TENM3: variants seen among roughly 807,000 people sequenced by gnomAD.
TENM3 encodes the protein teneurin-3.
A neutral mutation model predicts 255.1 loss-of-function variants in TENM3; 63 were observed. The ratio of observed to expected loss-of-function variants is 0.25; its 90% CI spans 0.20 to 0.30. TENM3 has a LOEUF of 0.30. TENM3 is among the 10% of genes least tolerant of loss of function. The probability of loss-of-function intolerance (pLI) is 1.00; values close to 1 mark genes in which losing one functional copy is unlikely to be tolerated. For synonymous variants in TENM3, 1,306 were observed against 1,322.3 expected (o/e 0.99, Z 0.27); for missense variants, 2,929 against 3,461.1 (o/e 0.85, Z 3.86).
chr4:182,172,474 G>T (rs750412930), intron 1 of TENM3, among the ~76,000 whole-genome samples: 9 of 152,170 alleles, frequency 5.9e-5, no homozygotes, highest in Non-Finnish European at 8.8e-5. Flanking sequence ...CTCAACCTTA[G>T]AAATTTGACT....
the TENM3 span, among the ~76,000 whole-genome samples, chr4:181,695,989 A>G: frequency 3.3e-5 from 5 of 151,832 alleles, no homozygotes; most frequent in African/African-American, 9.7e-5. Context: ...TAACTTTACC[A>G]TTTTGGAAAT....
the TENM3 span, among the ~76,000 whole-genome samples, chr4:181,880,810 C>G: frequency 6.6e-6 from 1 of 152,172 alleles, no homozygotes; most frequent in African/African-American, 2.4e-5. Flanking sequence ...AATGACAAGC[C>G]CTTCTCCTTG....
chr4:182,473,716 G>C (rs1413456523), intron 3 of TENM3, among the ~76,000 whole-genome samples: 1 of 151,966 alleles, frequency 6.6e-6, no homozygotes, highest in Non-Finnish European at 1.5e-5. Context: ...CAGGCACTGT[G>C]GCTCCGCAAT....
At chr4:181,551,876 GTGTGTGTGTGTGTATA>G in the TENM3 span, among the ~76,000 whole-genome samples, 75 of 57,438 alleles carry the variant, frequency 1.3e-3, no homozygotes, top group African/African-American at 4.9e-3. Flanking sequence ...GTGTGTGTGT[GTGTGTGTGTGTGTATA>G]TAAATTTTGC....
intron 1 of TENM3, among the ~76,000 whole-genome samples, chr4:182,320,316 G>A (rs1411380531): frequency 6.6e-6 from 1 of 152,180 alleles, no homozygotes; most frequent in Non-Finnish European, 1.5e-5. Flanking sequence ...CAGTTCTGGA[G>A]GTAAAAAGTG....
the TENM3 span, among the ~76,000 whole-genome samples, chr4:181,550,717 T>A: frequency 6.6e-6 from 1 of 152,234 alleles, no homozygotes. Context: ...TGTCATTAAA[T>A]ACATTCCTCA....
rs114431061 is a variant in TENM3, at chr4:182,653,641, A to G, written c.989-130A>G. Reference sequence around the variant, plus strand: ...CTTTGTTTTATAATTTTCATTGCGCAGTTATCCTTGGTATTTCAGAAAATG... The same window carrying G: ...CTTTGTTTTATAATTTTCATTGCGCGGTTATCCTTGGTATTTCAGAAAATG... On this transcript the variant is annotated intron_variant, in intron 5 of 27. Transcript: ENST00000511685. The G allele has an allele frequency of 0.034, 33,327 of 990,890 alleles. 733 individuals are homozygous for G. Among genetic ancestry groups the G allele is most frequent in the Non-Finnish European group, 0.036 (25,049 of 696,286 alleles). 61.4% of individuals were successfully genotyped at this position (990,890 alleles called of 1,614,324 possible).
chr4:182,729,773 T>C (rs144682861), intron 14 of TENM3, among the ~76,000 whole-genome samples: 40 of 152,344 alleles, frequency 2.6e-4, no homozygotes, highest in African/African-American at 8.7e-4. Flanking sequence ...TCAAAGTTGC[T>C]GTACAAATGT....
the TENM3 span, among the ~76,000 whole-genome samples, chr4:181,817,686 C>G: frequency 5.9e-5 from 9 of 152,226 alleles, no homozygotes; most frequent in South Asian, 1.5e-3. Flanking sequence ...ATGGAGGGAG[C>G]TCATCCTTTT....
chr4:182,437,811 A>AG (rs397955974), intron 3 of TENM3, among the ~76,000 whole-genome samples: 1 of 130,706 alleles, frequency 7.7e-6, no homozygotes, highest in African/African-American at 2.5e-5. Context: ...AAAAAAAAAA[A>AG]TATCTGGGCG....
the TENM3 span, among the ~76,000 whole-genome samples, chr4:181,506,613 C>A: frequency 2.6e-5 from 4 of 151,658 alleles, no homozygotes; most frequent in African/African-American, 4.8e-5. Flanking sequence ...AATGGACATT[C>A]CCTCCTGGAT....
At chr4:182,181,279 GT>G (rs1263605620) in intron 1 of TENM3, among the ~76,000 whole-genome samples, 1 of 152,194 alleles carries the variant, frequency 6.6e-6, no homozygotes, top group Non-Finnish European at 1.5e-5. Flanking sequence ...CCAAAGCTCT[GT>G]TATGGCTTAC....
intron 3 of TENM3, among the ~76,000 whole-genome samples, chr4:182,593,429 T>C (rs1289427377): frequency 1.3e-5 from 2 of 152,222 alleles, no homozygotes; most frequent in Admixed American, 6.5e-5. Flanking sequence ...CCCTCCATCT[T>C]CCTTTCTCCA....
chr4:181,516,998 C>T, the TENM3 span, among the ~76,000 whole-genome samples: 1 of 152,274 alleles, frequency 6.6e-6, no homozygotes, highest in South Asian at 2.1e-4. Context: ...TCAAACACTA[C>T]CCTCTTTTGT....
At chr4:181,978,232 G>A in the TENM3 span, among the ~76,000 whole-genome samples, 1 of 152,194 alleles carries the variant, frequency 6.6e-6, no homozygotes. Flanking sequence ...TCTCTACATG[G>A]TGGGAACCGA....
intron 7 of TENM3, among the ~76,000 whole-genome samples, chr4:182,679,210 T>TA (rs11375881): frequency 0.2 from 30,732 of 151,550 alleles, 3,848 homozygotes; most frequent in Non-Finnish European, 0.28. Flanking sequence ...AAATAAAATT[T>TA]AAAAAAAAGA....
At chr4:181,822,757 A>C in the TENM3 span, among the ~76,000 whole-genome samples, 1 of 152,306 alleles carries the variant, frequency 6.6e-6, no homozygotes, top group Admixed American at 6.5e-5. Context: ...TCCAAATATA[A>C]GGCATCCACT....
chr4:182,718,855 T>C (rs977604594), intron 13 of TENM3, among the ~76,000 whole-genome samples: 10 of 152,292 alleles, frequency 6.6e-5, no homozygotes, highest in African/African-American at 2.4e-4. Context: ...TTTAAATAGC[T>C]CTCCAAATGA....
chr4:182,791,943 T>C (rs1465416088), intron 25 of TENM3, among the ~76,000 whole-genome samples: 1 of 152,164 alleles, frequency 6.6e-6, no homozygotes, highest in Non-Finnish European at 1.5e-5. Flanking sequence ...AAATATTGTC[T>C]GTAAAGCAGC....
Sources: gnomAD v4.1 joint callset for allele counts (sites outside exome capture counted in the v4.1 genomes callset) on GRCh38, gnomAD v4.1.1 for gene constraint, MANE v1.5 for transcripts, NCBI Gene and HGNC (gene_info 2026-07-23, HGNC 2026-07-21) for gene names.